The following GXYLT2 variants were observed in gnomAD, a reference collection of about 807,000 sequenced individuals.
The protein encoded by GXYLT2 is glycosyltransferase 8 domain containing 4.
Under a neutral mutation model 45.8 loss-of-function variants are expected in GXYLT2, and 53 were observed. The ratio of observed to expected loss-of-function variants is 1.16; its 90% CI spans 0.93 to 1.46. The LOEUF (loss-of-function observed/expected upper bound fraction) is 1.46, where lower values mean the gene tolerates loss of function less well. Among genes scored for constraint, GXYLT2 ranks in the 40% most tolerant of loss-of-function variants. The pLI is 0.00. For missense variants in GXYLT2, 551 were observed against 544.4 expected (o/e 1.01, Z -0.12); for synonymous variants, 219 against 214.2 (o/e 1.02, Z -0.19).
chr3:72,976,213 T>A lies in GXYLT2; in HGVS notation c.*1054T>A, dbSNP rs1711100425. The stretch of plus-strand genomic sequence containing the variant: ...TCCCAAAGTGCTGGGATTACAAGTG[T>A]GAGCCACTGCACTCAGCCAATCTGG... On this transcript the variant is annotated 3_prime_UTR_variant, in exon 7 of 7. Transcript: ENST00000389617. 6.6e-6 allele frequency: 1 copy of A among 152,196 alleles called. No individual in the cohort carries two copies. Among genetic ancestry groups the A allele is most frequent in the South Asian group, 2.1e-4 (1 of 4,836 alleles). 9.4% of individuals were successfully genotyped at this position (152,196 alleles called of 1,614,324 possible). A position where few individuals can be genotyped will look rare whatever the true frequency, so the allele number is the denominator to read the frequency against.
chr3:72,901,053 C>T (rs1190995452), intron 1 of GXYLT2, among the ~76,000 whole-genome samples: 1 of 151,978 alleles, frequency 6.6e-6, no homozygotes, highest in Non-Finnish European at 1.5e-5. Flanking sequence ...CTTTGGGAGG[C>T]TGAGGTGGGC....
intron 5 of GXYLT2, among the ~76,000 whole-genome samples, chr3:72,966,299 T>G (rs558955009): frequency 0.028 from 704 of 25,468 alleles, 7 homozygotes; most frequent in African/African-American, 0.044. Context: ...GTTTTTGCTG[T>G]TTTTTTTTTT....
Position 72,914,507 on chromosome 3 carries a change from A to G in GXYLT2, c.468+5948A>G, listed in dbSNP as rs77842239. On this transcript the variant is annotated intron_variant, in intron 2 of 6. Coordinates refer to ENST00000389617, the MANE Select transcript of GXYLT2 (RefSeq NM_001080393.2). ...CCAGTATATATATGTATGTTTTTAT[A>G]TATATATATTTACATATATATGTGT... Among the ~76,000 whole-genome samples the G allele has an allele frequency of 6.4e-3, 970 of 150,540 alleles. 7 individuals carry two copies. The highest frequency in any genetic ancestry group is 0.016 in the African/African-American group (664 of 40,550).
intron 2 of GXYLT2, among the ~76,000 whole-genome samples, chr3:72,910,234 T>A (rs919201229): frequency 3.9e-5 from 6 of 152,196 alleles, no homozygotes; most frequent in African/African-American, 1.4e-4. Context: ...GTAATTATTA[T>A]GTCCCAATTT....
intron 3 of GXYLT2, among the ~76,000 whole-genome samples, chr3:72,933,908 A>G (rs930315957): frequency 1.3e-5 from 2 of 151,952 alleles, no homozygotes; most frequent in Non-Finnish European, 2.9e-5. Flanking sequence ...TGTCTCAAAA[A>G]TTAAGAATAA....
rs541108555 is a variant in GXYLT2, at chr3:72,903,143, A to G, written c.276-5224A>G. 8.7e-4 allele frequency among the ~76,000 whole-genome samples: 133 copies of G among 152,334 alleles called. 1 individual carries two copies. The highest frequency in any genetic ancestry group is 3.1e-3 in the African/African-American group (130 of 41,568). On this transcript the variant is annotated intron_variant, in intron 1 of 6. Coordinates refer to ENST00000389617, the MANE Select transcript of GXYLT2 (RefSeq NM_001080393.2). ...GAATAGCTTTCTCCCTGTGTGACTCAGTGTTATTTGCTGCATTGGAGTCTC... is the reference window on the plus strand; with the variant it reads ...GAATAGCTTTCTCCCTGTGTGACTCGGTGTTATTTGCTGCATTGGAGTCTC...
At chr3:72,927,494 G>T (rs1709941101) in intron 3 of GXYLT2, among the ~76,000 whole-genome samples, 1 of 152,164 alleles carries the variant, frequency 6.6e-6, no homozygotes, top group East Asian at 1.9e-4. Context: ...TTAGCTGTAG[G>T]CTAATGGAAA....
At position 72,903,886 on chromosome 3, in the gene GXYLT2, CA is replaced by C. The variant is rs376585591; in HGVS notation, c.276-4477del. On this transcript the variant is annotated intron_variant, in intron 1 of 6. Transcript: ENST00000389617. Reference sequence around the variant, plus strand: ...TAAGTTTGTTTCAAATTGGTTTAAGCAAAAGGGAGTTTATTGGCTTAATAAC... The same window carrying C: ...TAAGTTTGTTTCAAATTGGTTTAAGCAAAGGGAGTTTATTGGCTTAATAAC... Among the ~76,000 whole-genome samples, 31 of 152,226 alleles carry C rather than the reference CA, an allele frequency of 2.0e-4. No individual in the cohort carries two copies. The East Asian group carries it at 5.4e-3, about 27-fold the overall frequency.
At chr3:72,956,767 G>A (rs758866082) in intron 4 of GXYLT2, among the ~76,000 whole-genome samples, 4 of 151,974 alleles carry the variant, frequency 2.6e-5, no homozygotes, top group Non-Finnish European at 4.4e-5. Flanking sequence ...GCGTGCACCC[G>A]TAGTCTCAGC....
chr3:72,958,547 A>C (rs889598584), intron 5 of GXYLT2, among the ~76,000 whole-genome samples: 1 of 151,850 alleles, frequency 6.6e-6, no homozygotes. Flanking sequence ...AAAAAAAAGC[A>C]GGTTGATACA....
intron 3 of GXYLT2, 89 bp downstream of exon 3, chr3:72,922,424 C>T: frequency 7.6e-7 from 1 of 1,314,752 alleles, no homozygotes; most frequent in Non-Finnish European, 1.0e-6. Context: ...TTTAACTTAA[C>T]AGCTGAAAAC....
At chr3:72,928,313 C>G (rs1391723915) in intron 3 of GXYLT2, among the ~76,000 whole-genome samples, 1 of 152,214 alleles carries the variant, frequency 6.6e-6, no homozygotes, top group Non-Finnish European at 1.5e-5. Context: ...TCTACTAAAA[C>G]TTGGTAAGAA....
chr3:72,893,878 T>A (rs1175022035), intron 1 of GXYLT2, among the ~76,000 whole-genome samples: 1 of 152,018 alleles, frequency 6.6e-6, no homozygotes, highest in Non-Finnish European at 1.5e-5. Context: ...TGTCTCACTG[T>A]GTCACCCCAA....
chr3:72,942,677 G>A (rs1710322771), intron 3 of GXYLT2, among the ~76,000 whole-genome samples: 1 of 150,450 alleles, frequency 6.6e-6, no homozygotes. Flanking sequence ...CTAAACATGC[G>A]AAAACATCAG....
At chr3:72,902,684 A>G (rs1709430166) in intron 1 of GXYLT2, among the ~76,000 whole-genome samples, 1 of 151,356 alleles carries the variant, frequency 6.6e-6, no homozygotes, top group Non-Finnish European at 1.5e-5. Context: ...AAATAAATAA[A>G]TAAATAAAAT....
Position 72,975,926 on chromosome 3 carries a change from C to CTTTTTTTTTTTTTTT in GXYLT2, c.*776_*790dup, listed in dbSNP as rs200250227. On this transcript the variant is annotated 3_prime_UTR_variant, in exon 7 of 7. Transcript: ENST00000389617. ...GGGTATTTCTTCTTTTTCTTTCTTT[C>CTTTTTTTTTTTTTTT]TTTTTTTTTTTTTTTTTTTTTTTGA... 23 of 119,532 alleles carry CTTTTTTTTTTTTTTT rather than the reference C, an allele frequency of 1.9e-4. No individual in the cohort carries two copies. The highest frequency in any genetic ancestry group is 5.2e-4 in the African/African-American group (16 of 30,598). The allele number at this position is 119,532 out of a possible 1,614,324, so 7.4% of individuals were successfully genotyped here. A position where few individuals can be genotyped will look rare whatever the true frequency, so the allele number is the denominator to read the frequency against.
At chr3:72,969,769 C>T (rs562290181) in intron 6 of GXYLT2, among the ~76,000 whole-genome samples, 2 of 152,198 alleles carry the variant, frequency 1.3e-5, no homozygotes, top group South Asian at 2.1e-4. Flanking sequence ...CAGCCCCTGA[C>T]ATAAAACATG....
chr3:72,930,145 A>C (rs1398391716), intron 3 of GXYLT2, among the ~76,000 whole-genome samples: 1 of 146,938 alleles, frequency 6.8e-6, no homozygotes, highest in African/African-American at 2.5e-5. Context: ...TAGCTTGGGC[A>C]AAAAGGGCGA....
At chr3:72,901,543 G>A (rs1267911398) in intron 1 of GXYLT2, among the ~76,000 whole-genome samples, 5 of 136,236 alleles carry the variant, frequency 3.7e-5, no homozygotes, top group Non-Finnish European at 6.2e-5. Flanking sequence ...TAGAATTTCA[G>A]AACATTTTCG....
Sources: allele counts gnomAD v4.1 joint callset (sites outside exome capture counted in the v4.1 genomes callset), GRCh38; gene constraint gnomAD v4.1.1; transcripts MANE v1.5; gene names NCBI Gene and HGNC (gene_info 2026-07-23, HGNC 2026-07-21).